The following SGCE variants were observed in gnomAD, a reference collection of about 807,000 sequenced individuals.
The protein encoded by SGCE is epsilon-sarcoglycan.
In SGCE, 26 loss-of-function variants were observed where a neutral mutation model predicts 57.8. The ratio of observed to expected loss-of-function variants is 0.45; its 90% confidence interval spans 0.33 to 0.62. The LOEUF is 0.62. Among genes scored for constraint, SGCE ranks in the 20% least tolerant of loss-of-function variants. SGCE has a pLI of 0.02. For synonymous variants in SGCE, 183 were observed against 189.5 expected (o/e 0.97, Z 0.28); for missense variants, 468 against 548.6 (o/e 0.85, Z 1.47).
rs6465421 is a variant in SGCE, at chr7:94,618,659, C to A, written c.662+99G>T. The A allele has an allele frequency of 0.72, 704,781 of 973,460 alleles. 257,467 individuals carry two copies. Among genetic ancestry groups the A allele is most frequent in the African/African-American group, 0.92 (55,543 of 60,232 alleles). The allele number at this position is 973,460 out of a possible 1,614,324, so 60.3% of individuals were successfully genotyped here. On this transcript the variant is annotated intron_variant, in intron 5 of 10. Transcript: ENST00000648936. ...TTACAATATCTATTTCTTATTAAAA[C>A]GAAAAATGCAATAGGCCATCTTCCA...
chr7:94,618,590 C>A, intron 5 of SGCE, 168 bp downstream of exon 5: 2 of 608,288 alleles, frequency 3.3e-6, no homozygotes, highest in Non-Finnish European at 5.7e-6. Flanking sequence ...ACCACTAACA[C>A]AACATCTTTG....
chr7:94,623,958 TCAAAAACA>T (rs1441390536), intron 3 of SGCE: 4 of 377,910 alleles, frequency 1.1e-5, no homozygotes, highest in Non-Finnish European at 1.9e-5. Context: ...TGGAACATGC[TCAAAAACA>T]CAAATCAATC....
intron 1 of SGCE, among the ~76,000 whole-genome samples, chr7:94,642,197 A>T (rs1266202870): frequency 2.0e-5 from 3 of 152,188 alleles, no homozygotes; most frequent in South Asian, 2.1e-4. Flanking sequence ...ATATATGTCA[A>T]ATTAAGAATA....
At chr7:94,618,675 C>A in intron 5 of SGCE, 83 bp downstream of exon 5, 1 of 1,131,412 alleles carries the variant, frequency 8.8e-7, no homozygotes, top group Admixed American at 1.9e-5. Flanking sequence ...ATGCAATAGG[C>A]CATCTTCCAT....
chr7:94,643,883 T>C (rs1198970585), intron 1 of SGCE, among the ~76,000 whole-genome samples: 1 of 152,180 alleles, frequency 6.6e-6, no homozygotes, highest in East Asian at 1.9e-4. Context: ...AAAATATGAC[T>C]CAATATTTAA....
At chr7:94,594,093 A>G (rs1305033834) in intron 9 of SGCE, among the ~76,000 whole-genome samples, 1 of 152,042 alleles carries the variant, frequency 6.6e-6, no homozygotes, top group East Asian at 1.9e-4. Context: ...CTAAAATGTT[A>G]TTACTTGGAA....
chr7:94,598,632 G>A, intron 9 of SGCE, 143 bp downstream of exon 9: 1 of 721,834 alleles, frequency 1.4e-6, no homozygotes, highest in Non-Finnish European at 2.5e-6. Context: ...GGAGAGTAGG[G>A]GTGAGATTTA....
chr7:94,601,307 A>G (rs1799179350), intron 6 of SGCE, among the ~76,000 whole-genome samples: 1 of 148,226 alleles, frequency 6.7e-6, no homozygotes, highest in Non-Finnish European at 1.5e-5. Flanking sequence ...AGAAAAAAGG[A>G]AAAAAAAAAG....
intron 4 of SGCE, 102 bp downstream of exon 4, chr7:94,623,223 G>T: frequency 3.0e-6 from 2 of 665,762 alleles, no homozygotes; most frequent in Non-Finnish European, 5.2e-6. Context: ...GTTATATTAG[G>T]TATGTGGCAT....
intron 10 of SGCE, among the ~76,000 whole-genome samples, chr7:94,586,080 A>AC (rs1427971551): frequency 3.3e-5 from 5 of 150,532 alleles, no homozygotes; most frequent in African/African-American, 1.2e-4. Flanking sequence ...AAAAAAAAAA[A>AC]AAAAAAACAA....
chr7:94,647,818 C>T (rs762048426), intron 1 of SGCE, among the ~76,000 whole-genome samples: 2 of 152,162 alleles, frequency 1.3e-5, no homozygotes, highest in Non-Finnish European at 2.9e-5. Context: ...GATCTGAGTA[C>T]TTCCTTGGAA....
At chr7:94,603,093 A>G (rs1469474448) in intron 6 of SGCE, among the ~76,000 whole-genome samples, 197 bp downstream of exon 6, 3 of 152,166 alleles carry the variant, frequency 2.0e-5, no homozygotes, top group Admixed American at 6.6e-5. Flanking sequence ...AGGATAGAAT[A>G]AGTACAAAAG....
At chr7:94,644,428 G>A (rs1011456241) in intron 1 of SGCE, among the ~76,000 whole-genome samples, 1 of 152,200 alleles carries the variant, frequency 6.6e-6, no homozygotes, top group African/African-American at 2.4e-5. Context: ...CTGACTGGGG[G>A]AGGAGAGGAT....
chr7:94,626,177 C>T (rs1417517239), intron 3 of SGCE: 1 of 152,018 alleles, frequency 6.6e-6, no homozygotes, highest in Non-Finnish European at 1.5e-5. Flanking sequence ...TTTAGATACT[C>T]TTAGTCAGCT....
intron 3 of SGCE, chr7:94,625,826 T>C (rs1326066856): frequency 1.3e-5 from 2 of 152,090 alleles, no homozygotes; most frequent in Non-Finnish European, 2.9e-5. Context: ...CTTTCCAGTG[T>C]TGTGCTATAC....
intron 1 of SGCE, among the ~76,000 whole-genome samples, chr7:94,647,057 CA>C (rs1330196863): frequency 4.7e-4 from 71 of 152,176 alleles, no homozygotes; most frequent in Non-Finnish European, 1.2e-4. Context: ...AATATGATCA[CA>C]TTTTTTCACT....
intron 1 of SGCE, among the ~76,000 whole-genome samples, chr7:94,651,783 A>G (rs1218449652): frequency 1.3e-5 from 2 of 152,180 alleles, no homozygotes; most frequent in East Asian, 1.9e-4. Flanking sequence ...GGAATTATGA[A>G]GAGAGAATTT....
intron 9 of SGCE, among the ~76,000 whole-genome samples, chr7:94,591,911 G>A (rs904548232): frequency 5.3e-5 from 8 of 152,150 alleles, no homozygotes; most frequent in African/African-American, 1.9e-4. Context: ...TCCATAGTGG[G>A]TGTTCTAAGT....
intron 5 of SGCE, 157 bp downstream of exon 5, chr7:94,618,601 C>A: frequency 1.6e-6 from 1 of 628,530 alleles, no homozygotes; most frequent in Middle Eastern, 4.3e-4. Context: ...AACATCTTTG[C>A]CAATATAGAA....
Sources: gnomAD v4.1 joint callset for allele counts (sites outside exome capture counted in the v4.1 genomes callset) on GRCh38, gnomAD v4.1.1 for gene constraint, MANE v1.5 for transcripts, NCBI Gene and HGNC (gene_info 2026-07-23, HGNC 2026-07-21) for gene names.